The following ACTN4 variants were observed in gnomAD, a reference collection of about 807,000 sequenced individuals.
The protein encoded by ACTN4 is actinin alpha 4.
A neutral mutation model predicts 114.2 loss-of-function variants in ACTN4; 18 were observed. That is an observed-to-expected ratio of 0.16 (90% CI 0.11 to 0.23). The LOEUF is 0.23. Among genes scored for constraint, ACTN4 ranks in the 10% least tolerant of loss-of-function variants. The pLI, the probability that ACTN4 is intolerant of heterozygous loss-of-function variation, is 1.00. For synonymous variants in ACTN4, 515 were observed against 506.3 expected, an observed-to-expected ratio of 1.02 and a Z score of -0.23; for missense variants, 722 against 1,262.9, an observed-to-expected ratio of 0.57 and a Z score of 6.49.
chr19:38,660,926 A>C (rs988865395), intron 1 of ACTN4, among the ~76,000 whole-genome samples: 1 of 152,098 alleles, frequency 6.6e-6, no homozygotes, highest in Non-Finnish European at 1.5e-5. Flanking sequence ...GGTACTTCAG[A>C]TGGAGAGGAA....
At chr19:38,659,576 C>T (rs1048168136) in intron 1 of ACTN4, among the ~76,000 whole-genome samples, 11 of 152,204 alleles carry the variant, frequency 7.2e-5, no homozygotes, top group Non-Finnish European at 1.3e-4. Context: ...TCACAGCGCA[C>T]CGAGTTCTCT....
At chr19:38,728,262 C>G in intron 19 of ACTN4, 2 of 1,529,252 alleles carry the variant, frequency 1.3e-6, no homozygotes, top group South Asian at 2.4e-5. Context: ...GGGGCGGCCC[C>G]TCTTGCCTAC....
Position 38,729,361 on chromosome 19 carries a change from C to A in ACTN4, c.2665C>A (p.Pro889Thr). The change falls in exon 21 of 21, where the codon CCT (proline) becomes ACT (threonine). Residue 889 changes from proline to threonine, a missense_variant. This residue lies in a region of ACTN4 where 523 missense variants were observed against 875.9 expected (regional missense o/e 0.60). Transcript: ENST00000252699. Reference protein sequence around the residue: ...CIARMAPYQGPDAVPGALDYK... With the variant: ...CIARMAPYQGTDAVPGALDYK... ...CGCCCGCATGGCGCCATACCAGGGC[C>A]CTGACGCCGTGCCCGGTGCCCTCGA... The A allele has an allele frequency of 6.2e-7, 1 of 1,612,668 alleles. No individual in the cohort carries two copies. The highest frequency in any genetic ancestry group is 8.5e-7 in the Non-Finnish European group (1 of 1,179,950).
At chr19:38,680,338 G>A (rs570124031) in intron 1 of ACTN4, among the ~76,000 whole-genome samples, 10 of 149,794 alleles carry the variant, frequency 6.7e-5, no homozygotes, top group South Asian at 2.1e-4. Flanking sequence ...AAGCAAGCAC[G>A]TCTGGGTAAT....
At chr19:38,728,853 G>T (rs1969362282) in intron 19 of ACTN4, 143 bp from the exon 20 acceptor site, 1 of 1,056,446 alleles carries the variant, frequency 9.5e-7, no homozygotes. Flanking sequence ...AAGGCTGCTG[G>T]AGCAGGCGGG....
chr19:38,714,561 C>A lies in ACTN4; in HGVS notation c.912C>A (p.Asp304Glu), dbSNP rs1289292396. 1.2e-6 allele frequency: 2 copies of A among 1,613,812 alleles called. No homozygotes were observed. Among genetic ancestry groups the A allele is most frequent in the Non-Finnish European group, 1.7e-6 (2 of 1,179,994 alleles). ...AGGACTACGAGAAGCTGGCCAGCGA[C>A]GTGAGTGTTCCCCCAGTGAAAGTCA... is the stretch of plus-strand genomic sequence containing the variant. The part of the protein sequence containing the change: ...LMEDYEKLAS[D>E]LLEWIRRTIP... Residue 304 changes from aspartate (D) to glutamate (E), a missense_variant and splice_region_variant, in exon 9 of 21, where the codon GAC (aspartate) becomes GAA (glutamate). Transcript: ENST00000252699.
Position 38,730,378 on chromosome 19 carries a change from AGGTGGGCT to A in ACTN4, c.*948_*955del, listed in dbSNP as rs1315769927. On this transcript the variant is annotated 3_prime_UTR_variant, in exon 21 of 21. Transcript: ENST00000252699. ...GTCTCTGGGGACCCTCCAGAGGTGG[AGGTGGGCT>A]GATGGCCTGGCTGCCTGGTGGTTGA... 1 of 187,924 alleles carries A rather than the reference AGGTGGGCT, an allele frequency of 5.3e-6. No individual in the cohort carries two copies. Among genetic ancestry groups the A allele is most frequent in the Admixed American group, 5.4e-5 (1 of 18,498 alleles). The allele number at this position is 187,924 out of a possible 1,614,324, so 11.6% of individuals were successfully genotyped here. A position where few individuals can be genotyped will look rare whatever the true frequency, so the allele number is the denominator to read the frequency against.
At chr19:38,668,179 G>GC (rs1599772937) in intron 1 of ACTN4, among the ~76,000 whole-genome samples, 2 of 152,148 alleles carry the variant, frequency 1.3e-5, no homozygotes, top group African/African-American at 2.4e-5. Flanking sequence ...CAGTTAGAGT[G>GC]CCCCCCTTCC....
chr19:38,691,477 A>G (rs569621516), intron 1 of ACTN4, among the ~76,000 whole-genome samples: 29 of 151,968 alleles, frequency 1.9e-4, no homozygotes, highest in South Asian at 6.2e-4. Flanking sequence ...GGGAGATGAC[A>G]GAGTCCAGGA....
At chr19:38,673,587 TTA>T (rs1214605037) in intron 1 of ACTN4, among the ~76,000 whole-genome samples, 3 of 115,488 alleles carry the variant, frequency 2.6e-5, no homozygotes, top group African/African-American at 6.5e-5. Context: ...TCATATATAT[TTA>T]TATATATTCA....
chr19:38,723,618 C>T lies in ACTN4; in HGVS notation c.1447C>T (p.Leu483=). 6.2e-7 allele frequency: 1 copy of T among 1,611,278 alleles called. No homozygotes were observed. The stretch of plus-strand genomic sequence containing the variant: ...TGCTCTCTGCCCGGCCCGCAGCGAG[C>T]TGGATTACTACGACTCCCACAATGT... ...IAAIAQELNE[L]DYYDSHNVNT... Residue 483 remains leucine, a synonymous_variant, in exon 13 of 21, where the codon CTG becomes TTG. Coordinates refer to ENST00000252699, the MANE Select transcript of ACTN4 (RefSeq NM_004924.6).
chr19:38,692,098 A>G (rs185396176), intron 1 of ACTN4, among the ~76,000 whole-genome samples: 1 of 152,318 alleles, frequency 6.6e-6, no homozygotes, highest in East Asian at 1.9e-4. Context: ...CTCTTCTCCA[A>G]CTGCGAAGTC....
chr19:38,661,381 G>A (rs539203437), intron 1 of ACTN4, among the ~76,000 whole-genome samples: 1 of 152,308 alleles, frequency 6.6e-6, no homozygotes, highest in African/African-American at 2.4e-5. Flanking sequence ...TGATTAAAGC[G>A]TTGGTAACTT....
At position 38,725,774 on chromosome 19, in the gene ACTN4, G is replaced by A. The variant is rs745914567; in HGVS notation, c.2061G>A (p.Leu687=). Reference sequence around the variant, plus strand: ...TGAACGGGACCCTGGAGGACCAGCTGAGCCACCTGAAGCAGTATGAACGCA... The same window carrying A: ...TGAACGGGACCCTGGAGGACCAGCTAAGCCACCTGAAGCAGTATGAACGCA... ...IEMNGTLEDQ[L]SHLKQYERSI... The change falls in exon 17 of 21, where the codon CTG becomes CTA. Residue 687 remains leucine (L), a synonymous_variant. Coordinates refer to ENST00000252699, the MANE Select transcript of ACTN4 (RefSeq NM_004924.6). The A allele has an allele frequency of 6.2e-7, 1 of 1,614,168 alleles. No homozygotes were observed. Among genetic ancestry groups the A allele is most frequent in the South Asian group, 1.1e-5 (1 of 91,092 alleles).
intron 1 of ACTN4, among the ~76,000 whole-genome samples, chr19:38,694,511 C>T (rs533026905): frequency 1.4e-3 from 219 of 152,188 alleles, no homozygotes; most frequent in Non-Finnish European, 2.1e-3. Context: ...CCGCCCGCCT[C>T]GGCCTCCCAA....
chr19:38,649,028 G>A (rs1294233891), intron 1 of ACTN4, among the ~76,000 whole-genome samples: 3 of 151,854 alleles, frequency 2.0e-5, no homozygotes, highest in African/African-American at 7.3e-5. Flanking sequence ...GCAGTCCCGG[G>A]ACTGGAGAGC....
rs138754427 is a variant in ACTN4, at chr19:38,649,617, G to A, written c.162+1710G>A. ...GTGTAGAGTTGGGACTTTGGACAGG[G>A]CTCTGAAGGTTTGGGAGAGTGAGTT... On this transcript the variant is annotated intron_variant, in intron 1 of 20. Coordinates refer to ENST00000252699, the MANE Select transcript of ACTN4 (RefSeq NM_004924.6). 9.8e-3 allele frequency among the ~76,000 whole-genome samples: 1,496 copies of A among 152,224 alleles called. 25 individuals are homozygous for A. The highest frequency in any genetic ancestry group is 9.6e-3 in the Non-Finnish European group (654 of 68,012).
At chr19:38,679,482 G>C (rs1235521132) in intron 1 of ACTN4, among the ~76,000 whole-genome samples, 1 of 152,010 alleles carries the variant, frequency 6.6e-6, no homozygotes, top group African/African-American at 2.4e-5. Flanking sequence ...GTGATTATCA[G>C]CATTTTGCCA....
intron 1 of ACTN4, among the ~76,000 whole-genome samples, chr19:38,696,961 A>G (rs1968115349): frequency 6.6e-6 from 1 of 152,174 alleles, no homozygotes; most frequent in Admixed American, 6.5e-5. Flanking sequence ...CACAGCACGG[A>G]GTGATTGACA....
Sources: gnomAD v4.1 joint callset for allele counts (sites outside exome capture counted in the v4.1 genomes callset) on GRCh38, gnomAD v4.1.1 for gene constraint, gnomAD v4.1.1 regional missense constraint, MANE v1.5 for transcripts, NCBI Gene and HGNC (gene_info 2026-07-23, HGNC 2026-07-21) for gene names.